Variants in ACSL6 observed in about 807,000 individuals in gnomAD.
ACSL6 encodes the protein acyl-CoA synthetase long chain family member 6.
A neutral mutation model predicts 98.2 loss-of-function variants in ACSL6; 47 were observed. The ratio of observed to expected loss-of-function variants is 0.48; its 90% CI spans 0.38 to 0.61. ACSL6 has a LOEUF of 0.61. Among genes scored for constraint, ACSL6 ranks in the 20% least tolerant of loss-of-function variants. The pLI, the probability that ACSL6 is intolerant of heterozygous loss-of-function variation, is 0.00. For synonymous variants in ACSL6, 362 were observed against 336.9 expected (o/e 1.07, Z -0.82); for missense variants, 761 against 913.4 (o/e 0.83, Z 2.15).
chr5:131,968,309 T>C (rs770866652), intron 15 of ACSL6: 10 of 303,622 alleles, frequency 3.3e-5, no homozygotes, highest in Non-Finnish European at 6.1e-5. Context: ...GGGTCCTGGG[T>C]AGGGTAGGAT....
rs572589263 is a variant in ACSL6 at position 131,965,726 on chromosome 5, A to G, written c.1713+690T>C. Among the ~76,000 whole-genome samples the G allele has an allele frequency of 4.9e-4, 74 of 152,332 alleles. 2 individuals carry two copies. The South Asian group carries it at 0.014, about 29-fold the overall frequency. On this transcript the variant is annotated intron_variant, in intron 17 of 20. Transcript: ENST00000651883. Reference sequence around the variant, plus strand: ...GACAGAACGAGACTCCATTTCATAAATAAATAATAAAGGATAAAGTCCAGA... The same window carrying G: ...GACAGAACGAGACTCCATTTCATAAGTAAATAATAAAGGATAAAGTCCAGA...
At position 131,976,549 on chromosome 5, in the gene ACSL6, A is replaced by C. The variant is rs569187155; in HGVS notation, c.990+99T>G. 7.9e-4 allele frequency: 916 copies of C among 1,162,642 alleles called. 7 individuals are homozygous for C. The African/African-American group carries it at 0.013, about 16-fold the overall frequency. The allele number at this position is 1,162,642 out of a possible 1,614,324, so 72.0% of individuals were successfully genotyped here. ...GGCAGCCCAGGTTATATCAAGAAAA[A>C]AAAAAAAAGAAAAAGAAAACAAACA... On this transcript the variant is annotated intron_variant, in intron 10 of 20. Coordinates refer to ENST00000651883, the MANE Select transcript of ACSL6 (RefSeq NM_001009185.3).
rs200847506 is a variant in ACSL6 at position 131,967,987 on chromosome 5, C to T, written c.1549G>A (p.Val517Ile). 267 of 1,613,950 alleles carry T rather than the reference C, an allele frequency of 1.7e-4. No homozygotes were observed. In the East Asian group the frequency reaches 4.4e-3, roughly 27 times the overall value. Residue 517 changes from valine (V) to isoleucine (I), a missense_variant, in exon 16 of 21, where the codon GTT becomes ATT. Val to Ile is a conservative substitution (Grantham distance 29, BLOSUM62 3). Coordinates refer to ENST00000651883, the MANE Select transcript of ACSL6 (RefSeq NM_001009185.3). The part of the protein sequence containing the change: ...APLPCNHIKL[V>I]DVEELNYWAC... Reference sequence around the variant, plus strand: ...CAGTAGTTCAGTTCCTCAACATCAACGAGCTTGATATGATTGCAGGGAAGT... The same window carrying T: ...CAGTAGTTCAGTTCCTCAACATCAATGAGCTTGATATGATTGCAGGGAAGT...
chr5:131,966,649 TATGGCAGGG>T, intron 16 of ACSL6, 117 bp from the exon 17 acceptor site: 1 of 863,968 alleles, frequency 1.2e-6, no homozygotes, highest in Non-Finnish European at 1.9e-6. Context: ...CCACTGTGGA[TATGGCAGGG>T]ATGGAAACAG....
intron 1 of ACSL6, among the ~76,000 whole-genome samples, chr5:131,998,174 G>T (rs996051074): frequency 1.3e-5 from 2 of 152,168 alleles, no homozygotes; most frequent in African/African-American, 2.4e-5. Flanking sequence ...GCAGAGATGT[G>T]CATTGTGTGT....
At position 131,973,164 on chromosome 5, in the gene ACSL6, T is replaced by A. The variant is rs1381596496; in HGVS notation, c.1203+102A>T. The A allele has an allele frequency of 1.4e-5, 21 of 1,450,600 alleles. No individual in the cohort carries two copies. The Admixed American group carries it at 3.5e-4, about 24-fold the overall frequency. 89.9% of individuals were successfully genotyped at this position (1,450,600 alleles called of 1,614,324 possible). On this transcript the variant is annotated intron_variant, in intron 12 of 20. Transcript: ENST00000651883. ...AAGAGAGGAGGCAAGTTCCAGGACT[T>A]GGCAGTGGAGGCACTGAAAGCCTGC... is the stretch of plus-strand genomic sequence containing the variant.
intron 9 of ACSL6, chr5:131,982,147 T>TC (rs1324283305): frequency 7.5e-6 from 1 of 133,682 alleles, no homozygotes; most frequent in Non-Finnish European, 1.6e-5. Context: ...TTTTTTTTTT[T>TC]TTTTTTTTTT....
intron 7 of ACSL6, 145 bp from the exon 8 acceptor site, chr5:131,986,999 A>C (rs926069267): frequency 2.0e-4 from 156 of 776,072 alleles, no homozygotes; most frequent in Non-Finnish European, 3.2e-4. Flanking sequence ...ACACACACAC[A>C]CCACACACAA....
At position 131,988,620 on chromosome 5, in the gene ACSL6, G is replaced by A. The variant is rs1191504267; in HGVS notation, c.652+185C>T. On this transcript the variant is annotated intron_variant, in intron 6 of 20. Coordinates refer to ENST00000651883, the MANE Select transcript of ACSL6 (RefSeq NM_001009185.3). ...TGAGCCCTGTGGAAGGAACCTTCGT[G>A]TGAAGTCTGACCAGGGACAGCTTGA... The A allele has an allele frequency of 1.9e-6, 3 of 1,613,142 alleles. No homozygotes were observed. In the South Asian group the frequency reaches 3.3e-5, roughly 18 times the overall value.
chr5:131,997,135 G>A (rs964779512), intron 1 of ACSL6, among the ~76,000 whole-genome samples: 5 of 152,210 alleles, frequency 3.3e-5, no homozygotes, highest in Admixed American at 1.3e-4. Context: ...CAGCAGTCAC[G>A]GTATTACCAT....
At chr5:132,000,943 A>G (rs1034866195) in intron 1 of ACSL6, among the ~76,000 whole-genome samples, 2 of 152,000 alleles carry the variant, frequency 1.3e-5, no homozygotes, top group Non-Finnish European at 2.9e-5. Flanking sequence ...TCACCCTACC[A>G]TCTGGGTGAG....
rs936041621 is a variant in ACSL6 at position 132,008,142 on chromosome 5, A to C, written c.49+3363T>G. On this transcript the variant is annotated intron_variant, in intron 1 of 20. Coordinates refer to ENST00000651883, the MANE Select transcript of ACSL6 (RefSeq NM_001009185.3). The stretch of plus-strand genomic sequence containing the variant: ...CAAATTCAGGCTTTCTTTGTGAGGC[A>C]TGTCCCCAGCTGGCCACAGAGCCAC... 9.2e-5 allele frequency among the ~76,000 whole-genome samples: 14 copies of C among 152,210 alleles called. 1 individual carries two copies. In the South Asian group the frequency reaches 2.3e-3, roughly 25 times the overall value.
chr5:132,004,158 A>G (rs1257695694), intron 1 of ACSL6, among the ~76,000 whole-genome samples: 1 of 151,138 alleles, frequency 6.6e-6, no homozygotes, highest in Non-Finnish European at 1.5e-5. Flanking sequence ...CGGGATCACT[A>G]GCTTCCAGGG....
upstream of ACSL6, chr5:132,012,182 G>A (rs1755774747): frequency 2.2e-6 from 1 of 446,936 alleles, no homozygotes; most frequent in East Asian, 3.6e-5. Context: ...GCCTCCGGGT[G>A]CCACCTCTGC....
chr5:132,000,610 G>T (rs1209563971), intron 1 of ACSL6, among the ~76,000 whole-genome samples: 1 of 152,044 alleles, frequency 6.6e-6, no homozygotes, highest in Non-Finnish European at 1.5e-5. Flanking sequence ...TTTTGAATTG[G>T]ACACTCATTC....
chr5:132,011,342 G>A lies in ACSL6; in HGVS notation c.49+163C>T, dbSNP rs1755715360. 1.4e-6 allele frequency: 1 copy of A among 716,176 alleles called. No homozygotes were observed. The highest frequency in any genetic ancestry group is 1.9e-5 in the African/African-American group (1 of 53,312). The allele number at this position is 716,176 out of a possible 1,614,324, so 44.4% of individuals were successfully genotyped here. On this transcript the variant is annotated intron_variant, in intron 1 of 20. Coordinates refer to ENST00000651883, the MANE Select transcript of ACSL6 (RefSeq NM_001009185.3). This position sits in a 1 kb window ranked among gnomAD's most constrained non-coding sequence, Gnocchi z 5.4. ...CGGCCCGGAGCCCGCGAGAACTGGGGGCGGAGGGTGTACTTAGGCGGCCCT... is the reference window on the plus strand; with the variant it reads ...CGGCCCGGAGCCCGCGAGAACTGGGAGCGGAGGGTGTACTTAGGCGGCCCT...
chr5:131,984,196 T>C (rs1246501929), intron 9 of ACSL6: 1 of 152,266 alleles, frequency 6.6e-6, no homozygotes. Flanking sequence ...ATGGTGGAAA[T>C]CCTTGAACCC....
chr5:131,972,406 C>G (rs1027091434), intron 13 of ACSL6, among the ~76,000 whole-genome samples: 1 of 152,158 alleles, frequency 6.6e-6, no homozygotes, highest in East Asian at 1.9e-4. Context: ...GGCAAGAGAA[C>G]TTCAGGGCCC....
chr5:131,977,908 T>C (rs1419289068), intron 9 of ACSL6, among the ~76,000 whole-genome samples: 1 of 152,086 alleles, frequency 6.6e-6, no homozygotes, highest in Non-Finnish European at 1.5e-5. Flanking sequence ...TTTTTCATCT[T>C]TGGAGACAGC....
Sources: gnomAD v4.1 joint callset for allele counts (sites outside exome capture counted in the v4.1 genomes callset) on GRCh38, gnomAD v4.1.1 for gene constraint, Gnocchi (gnomAD v3.1) non-coding constraint, MANE v1.5 for transcripts, NCBI Gene and HGNC (gene_info 2026-07-23, HGNC 2026-07-21) for gene names.